PBX1: variants seen among roughly 807,000 people sequenced by gnomAD.
PBX1 encodes pre-B-cell leukemia transcription factor 1.
In PBX1, 6 loss-of-function variants were observed where a neutral mutation model predicts 53.4. That is an observed-to-expected ratio of 0.11 (90% CI 0.06 to 0.22). The LOEUF (loss-of-function observed/expected upper bound fraction) is 0.22. PBX1 is among the 10% of genes least tolerant of loss of function. The pLI, the probability that PBX1 is intolerant of heterozygous loss-of-function variation, is 1.00. For missense variants in PBX1, 251 were observed against 551.4 expected (o/e 0.46, Z 5.46); for synonymous variants, 204 against 212.3 (o/e 0.96, Z 0.34).
intron 4 of PBX1, among the ~76,000 whole-genome samples, chr1:164,801,937 C>T (rs1343923797): frequency 2.6e-5 from 4 of 152,304 alleles, no homozygotes; most frequent in East Asian, 3.9e-4. Flanking sequence ...ATGCCTCCAG[C>T]GTCACTAGCT....
chr1:164,857,467 A>G (rs1558049532), intron 2 of PBX1, among the ~76,000 whole-genome samples: 2 of 152,182 alleles, frequency 1.3e-5, no homozygotes, highest in Non-Finnish European at 2.9e-5. Context: ...TGTAGATTTC[A>G]TTAAATACAT....
chr1:164,584,114 G>A (rs929338116), intron 2 of PBX1, among the ~76,000 whole-genome samples: 1 of 152,176 alleles, frequency 6.6e-6, no homozygotes, highest in African/African-American at 2.4e-5. Flanking sequence ...GGAAGGAAGG[G>A]AGGGAGAGGG....
chr1:164,635,829 C>T (rs1409330599), intron 2 of PBX1, among the ~76,000 whole-genome samples: 2 of 152,168 alleles, frequency 1.3e-5, no homozygotes, highest in Admixed American at 1.3e-4. Flanking sequence ...TATTAAGGTT[C>T]GTTAGGATGC....
In PBX1 at chr1:164,848,433, A is replaced by G; in HGVS notation, c.*1757A>G. ...TGAGAAGTTGATTTTGTTCATATCCAATCTGTAAATGCGAAGTCAGGGGAA... is the reference window on the plus strand; with the variant it reads ...TGAGAAGTTGATTTTGTTCATATCCGATCTGTAAATGCGAAGTCAGGGGAA... On this transcript the variant is annotated 3_prime_UTR_variant, in exon 9 of 9. Coordinates refer to ENST00000420696, the MANE Select transcript of PBX1 (RefSeq NM_002585.4). The G allele has an allele frequency of 2.8e-6, 3 of 1,056,238 alleles. No homozygotes were observed. Among genetic ancestry groups the G allele is most frequent in the Non-Finnish European group, 3.4e-6 (3 of 873,508 alleles). 65.4% of individuals were successfully genotyped at this position (1,056,238 alleles called of 1,614,324 possible).
chr1:164,691,450 T>C lies in PBX1; in HGVS notation c.266-101044T>C, dbSNP rs984712850. Among the ~76,000 whole-genome samples the C allele has an allele frequency of 3.3e-5, 5 of 152,220 alleles. No individual in the cohort carries two copies. In the East Asian group the frequency reaches 7.7e-4, roughly 23 times the overall value. ...TCCTTATGAGGAGTAATTTTCTCTC[T>C]GTGATAATTTTAACTGTGTTTTAGA... On this transcript the variant is annotated intron_variant, in intron 2 of 8. Transcript: ENST00000420696.
At chr1:164,819,259 C>T (rs1435772390) in intron 6 of PBX1, 1 of 152,168 alleles carries the variant, frequency 6.6e-6, no homozygotes, top group Non-Finnish European at 1.5e-5. Flanking sequence ...ATGATGCTTC[C>T]ATCCCTGGGA....
intron 2 of PBX1, among the ~76,000 whole-genome samples, chr1:164,596,071 G>A (rs911308755): frequency 6.8e-6 from 1 of 146,008 alleles, no homozygotes; most frequent in African/African-American, 2.5e-5. Flanking sequence ...ATGTGTTTTT[G>A]TTTTGTTTTA....
At chr1:164,690,059 G>C (rs1319784699) in intron 2 of PBX1, among the ~76,000 whole-genome samples, 1 of 152,148 alleles carries the variant, frequency 6.6e-6, no homozygotes, top group Non-Finnish European at 1.5e-5. Flanking sequence ...GTTATTGCAG[G>C]GTGACATATG....
At chr1:164,573,323 A>G (rs942084468) in intron 2 of PBX1, among the ~76,000 whole-genome samples, 3 of 152,078 alleles carry the variant, frequency 2.0e-5, no homozygotes, top group African/African-American at 7.2e-5. Context: ...AAAAGAAACA[A>G]GTGAAATGAA....
At chr1:164,701,582 T>C (rs1663123782) in intron 2 of PBX1, among the ~76,000 whole-genome samples, 1 of 152,204 alleles carries the variant, frequency 6.6e-6, no homozygotes, top group Non-Finnish European at 1.5e-5. Context: ...GGTACTTACG[T>C]CACTTATTAG....
rs1655849613 is a variant in PBX1 at position 164,597,464 on chromosome 1, G to T, written c.265+34153G>T. Among the ~76,000 whole-genome samples the T allele has an allele frequency of 6.6e-5, 10 of 152,300 alleles. No individual in the cohort carries two copies. In the South Asian group the frequency reaches 1.7e-3, roughly 25 times the overall value. ...TTTCTTGGAATAATGGTATTGAAATGGAGCTATTTGGGGGTGCAGAGATAA... is the reference window on the plus strand; with the variant it reads ...TTTCTTGGAATAATGGTATTGAAATTGAGCTATTTGGGGGTGCAGAGATAA... On this transcript the variant is annotated intron_variant, in intron 2 of 8. Coordinates refer to ENST00000420696, the MANE Select transcript of PBX1 (RefSeq NM_002585.4).
chr1:164,693,062 G>A (rs1416104035), intron 2 of PBX1, among the ~76,000 whole-genome samples: 3 of 152,220 alleles, frequency 2.0e-5, no homozygotes, highest in Admixed American at 1.3e-4. Flanking sequence ...TGTTCGCCAA[G>A]GTCACTGTGT....
intron 2 of PBX1, among the ~76,000 whole-genome samples, chr1:164,582,748 T>C (rs971678520): frequency 1.3e-5 from 2 of 152,148 alleles, no homozygotes; most frequent in Non-Finnish European, 2.9e-5. Flanking sequence ...AAGAAGATGC[T>C]AGTGATATGA....
intron 2 of PBX1, among the ~76,000 whole-genome samples, chr1:164,686,953 T>TC (rs906263830): frequency 1.4e-5 from 2 of 147,660 alleles, no homozygotes; most frequent in South Asian, 2.1e-4. Context: ...CGAGACTGCA[T>TC]CCCAAAAAAA....
chr1:164,770,030 T>C (rs1482161477), intron 2 of PBX1: 1 of 152,224 alleles, frequency 6.6e-6, no homozygotes, highest in Non-Finnish European at 1.5e-5. Flanking sequence ...TTTGAACTTA[T>C]TTTCCTAAAA....
chr1:164,740,393 C>A (rs1305974582), intron 2 of PBX1, among the ~76,000 whole-genome samples: 1 of 151,952 alleles, frequency 6.6e-6, no homozygotes, highest in Non-Finnish European at 1.5e-5. Context: ...AGACTCAGTT[C>A]TGTCTTCAGG....
chr1:164,864,784 T>C (rs1672178966), intron 2 of PBX1, among the ~76,000 whole-genome samples: 1 of 152,200 alleles, frequency 6.6e-6, no homozygotes, highest in East Asian at 1.9e-4. Flanking sequence ...AAGGCAGAAG[T>C]GAGCCTCTGC....
intron 2 of PBX1, among the ~76,000 whole-genome samples, chr1:164,643,343 C>T (rs1659259027): frequency 6.6e-6 from 1 of 152,116 alleles, no homozygotes; most frequent in African/African-American, 2.4e-5. Context: ...AGAATGGAGG[C>T]TCCACCTAAT....
At chr1:164,704,953 T>C (rs1054783831) in intron 2 of PBX1, among the ~76,000 whole-genome samples, 3 of 152,218 alleles carry the variant, frequency 2.0e-5, no homozygotes, top group Non-Finnish European at 4.4e-5. Flanking sequence ...GGAGTTCTTG[T>C]TTTCCCCAAC....
Sources: gnomAD v4.1 joint callset for allele counts (sites outside exome capture counted in the v4.1 genomes callset) on GRCh38, gnomAD v4.1.1 for gene constraint, MANE v1.5 for transcripts, NCBI Gene and HGNC (gene_info 2026-07-23, HGNC 2026-07-21) for gene names.